RIMS2: variants seen among roughly 807,000 people sequenced by gnomAD.
The protein encoded by RIMS2 is regulating synaptic membrane exocytosis 2, also known as regulating synaptic membrane exocytosis protein 2.
RIMS2 carries 59 observed loss-of-function variants against 174.4 expected under a neutral mutation model. The observed-to-expected ratio is 0.34, with a 90% CI of 0.27 to 0.42. RIMS2 has a LOEUF of 0.42. Among genes scored for constraint, RIMS2 ranks in the 10% least tolerant of loss-of-function variants. RIMS2 has a pLI of 1.00. For synonymous variants in RIMS2, 606 were observed against 572.5 expected (o/e 1.06, Z -0.84); for missense variants, 1,620 against 1,666.3 (o/e 0.97, Z 0.48).
chr8:104,034,949 CCACA>C, intron 19 of RIMS2, among the ~76,000 whole-genome samples: 1 of 151,990 alleles, frequency 6.6e-6, no homozygotes, highest in Non-Finnish European at 1.5e-5. Context: ...ATTTTAATTA[CCACA>C]CAAAAAAGTA....
At chr8:103,640,702 T>C (rs974245198) in intron 1 of RIMS2, among the ~76,000 whole-genome samples, 15 of 152,122 alleles carry the variant, frequency 9.9e-5, no homozygotes, top group African/African-American at 3.1e-4. Flanking sequence ...TTAGTTCCTC[T>C]GTGAACTCAG....
chr8:103,655,382 A>G (rs1485502445), intron 1 of RIMS2, among the ~76,000 whole-genome samples: 2 of 152,070 alleles, frequency 1.3e-5, no homozygotes, highest in Non-Finnish European at 2.9e-5. Context: ...AGATGGAAAT[A>G]CTAGGAAAAA....
chr8:103,519,898 C>A (rs1830818006), intron 1 of RIMS2, among the ~76,000 whole-genome samples: 1 of 151,998 alleles, frequency 6.6e-6, no homozygotes, highest in Admixed American at 6.6e-5. Context: ...TTTCTGTAGT[C>A]TAAATCTAAT....
chr8:103,886,358 T>G, intron 4 of RIMS2, 135 bp downstream of exon 7: 1 of 700,820 alleles, frequency 1.4e-6, no homozygotes, highest in African/African-American at 1.8e-5. Context: ...GCATCGAACG[T>G]GTGAAGAAAA....
chr8:104,133,284 T>C (rs2133086995), intron 19 of RIMS2, among the ~76,000 whole-genome samples: 1 of 152,242 alleles, frequency 6.6e-6, no homozygotes, highest in African/African-American at 2.4e-5. Context: ...ACAAATGGCT[T>C]GACATTTAGG....
intron 4 of RIMS2, among the ~76,000 whole-genome samples, chr8:103,909,661 TA>T (rs2075254330): frequency 6.6e-6 from 1 of 152,102 alleles, no homozygotes; most frequent in South Asian, 2.1e-4. Context: ...AAATGACTTT[TA>T]ATTATTTGGC....
chr8:103,551,615 G>A (rs536298345), intron 1 of RIMS2, among the ~76,000 whole-genome samples: 2 of 152,242 alleles, frequency 1.3e-5, no homozygotes, highest in Admixed American at 6.5e-5. Flanking sequence ...TCAGACAGGA[G>A]AAAGAAATAA....
At chr8:104,058,783 G>T (rs576407922) in intron 19 of RIMS2, among the ~76,000 whole-genome samples, 1 of 152,042 alleles carries the variant, frequency 6.6e-6, no homozygotes, top group Non-Finnish European at 1.5e-5. Flanking sequence ...AGCTTTCTAC[G>T]TATGGCTAGC....
At chr8:103,820,604 A>C (rs1024226078) in intron 3 of RIMS2, among the ~76,000 whole-genome samples, 1 of 151,932 alleles carries the variant, frequency 6.6e-6, no homozygotes, top group Non-Finnish European at 1.5e-5. Context: ...AGCAAATGAA[A>C]AAAAGGCTTT....
At chr8:103,900,290 C>T (rs2099321122) in intron 4 of RIMS2, among the ~76,000 whole-genome samples, 1 of 151,592 alleles carries the variant, frequency 6.6e-6, no homozygotes. Flanking sequence ...ATGGTGTGAT[C>T]TCAGCTCACT....
chr8:103,779,609 T>C (rs1049580525), intron 3 of RIMS2, among the ~76,000 whole-genome samples: 1 of 151,852 alleles, frequency 6.6e-6, no homozygotes, highest in Non-Finnish European at 1.5e-5. Flanking sequence ...TGTAGGGTCA[T>C]GGATGAAGCT....
intron 1 of RIMS2, among the ~76,000 whole-genome samples, chr8:103,649,937 A>T (rs1257040160): frequency 6.6e-6 from 1 of 152,020 alleles, no homozygotes; most frequent in Non-Finnish European, 1.5e-5. Flanking sequence ...CAGCCATCTC[A>T]GCCTCAGCCC....
chr8:103,593,118 A>G (rs575995896), intron 1 of RIMS2, among the ~76,000 whole-genome samples: 29 of 151,596 alleles, frequency 1.9e-4, no homozygotes, highest in African/African-American at 7.0e-4. Flanking sequence ...AACTGACAGT[A>G]TTTGTTGCCA....
intron 1 of RIMS2, among the ~76,000 whole-genome samples, chr8:103,584,716 C>G (rs1436661198): frequency 6.6e-6 from 1 of 151,986 alleles, no homozygotes; most frequent in Non-Finnish European, 1.5e-5. Flanking sequence ...GACTTCAATT[C>G]AAAACACATA....
At chr8:104,008,396 T>C (rs986948227) in intron 17 of RIMS2, among the ~76,000 whole-genome samples, 5 of 151,790 alleles carry the variant, frequency 3.3e-5, no homozygotes, top group Admixed American at 1.3e-4. Flanking sequence ...TGGTTTTGTT[T>C]CTGTTATTTT....
At chr8:104,146,727 A>T (rs77614325) in intron 19 of RIMS2, among the ~76,000 whole-genome samples, 6,286 of 152,122 alleles carry the variant, frequency 0.041, 297 homozygotes, top group East Asian at 0.15. Context: ...CTGAGACGGG[A>T]TCTAACTCTG....
intron 1 of RIMS2, among the ~76,000 whole-genome samples, chr8:103,616,474 C>G (rs1025775754): frequency 5.3e-5 from 8 of 152,148 alleles, no homozygotes; most frequent in Non-Finnish European, 1.0e-4. Flanking sequence ...CAAGAATGCC[C>G]TCTCTCACCA....
intron 19 of RIMS2, among the ~76,000 whole-genome samples, chr8:104,183,203 T>A (rs910018055): frequency 3.3e-5 from 5 of 151,758 alleles, no homozygotes; most frequent in African/African-American, 1.2e-4. Context: ...TATGGCAGAA[T>A]TGATATAATT....
chr8:104,244,778 CT>C (rs2099321507), intron 19 of RIMS2, 137 bp from the exon 26 acceptor site: 2 of 659,602 alleles, frequency 3.0e-6, no homozygotes, highest in Non-Finnish European at 5.3e-6. Context: ...TTTTAAATAC[CT>C]TTTCTTTCTG....
Sources: allele counts gnomAD v4.1 joint callset (sites outside exome capture counted in the v4.1 genomes callset), GRCh38; gene constraint gnomAD v4.1.1; transcripts MANE v1.5; gene names NCBI Gene and HGNC (gene_info 2026-07-23, HGNC 2026-07-21).